NRXN3: variants seen among roughly 807,000 people sequenced by gnomAD.
NRXN3 encodes neurexin III.
A neutral mutation model predicts 137.6 loss-of-function variants in NRXN3; 32 were observed. The ratio of observed to expected loss-of-function variants is 0.23; its 90% CI spans 0.18 to 0.31. NRXN3 has a LOEUF of 0.31. Ranked by LOEUF, NRXN3 falls within the 10% of genes least tolerant of loss-of-function variation. The pLI is 1.00. For synonymous variants in NRXN3, 798 were observed against 784.5 expected, an observed-to-expected ratio of 1.02 and a Z score of -0.29; for missense variants, 1,574 against 2,062.5, an observed-to-expected ratio of 0.76 and a Z score of 4.59.
intron 16 of NRXN3, among the ~76,000 whole-genome samples, chr14:79,626,437 C>G (rs2098282315): frequency 1.5e-5 from 2 of 137,750 alleles, no homozygotes; most frequent in East Asian, 2.0e-4. Context: ...CTGAAATAAC[C>G]CTCATTGTTT....
rs978317953 is a variant in NRXN3, at chr14:78,901,302, C to G, written c.2276-55940C>G. Among the ~76,000 whole-genome samples the G allele has an allele frequency of 1.2e-4, 18 of 151,818 alleles. 2 individuals carry two copies. In the South Asian group the frequency reaches 3.7e-3, roughly 32 times the overall value. ...CCATTTAAATTGTCTTTTATTCTTT[C>G]TTTTTTCTCTATCACATATCTTGGC... is the stretch of plus-strand genomic sequence containing the variant. On this transcript the variant is annotated intron_variant, in intron 10 of 20. Transcript: ENST00000335750.
intron 15 of NRXN3, among the ~76,000 whole-genome samples, chr14:79,080,536 C>G (rs1347411906): frequency 6.6e-6 from 1 of 152,148 alleles, no homozygotes; most frequent in Non-Finnish European, 1.5e-5. Flanking sequence ...ATACCACTTT[C>G]TCACCTCCTT....
chr14:79,641,807 C>T (rs1020149866), intron 16 of NRXN3, among the ~76,000 whole-genome samples: 1 of 135,388 alleles, frequency 7.4e-6, no homozygotes, highest in African/African-American at 2.5e-5. Flanking sequence ...CAGTTGTTCT[C>T]CTGTCATTTT....
chr14:78,746,883 T>C (rs958532209), intron 8 of NRXN3, among the ~76,000 whole-genome samples: 8 of 152,198 alleles, frequency 5.3e-5, no homozygotes, highest in African/African-American at 1.7e-4. Flanking sequence ...GTTAAGACTA[T>C]GATGAAAAGA....
intron 15 of NRXN3, among the ~76,000 whole-genome samples, chr14:79,010,825 A>C (rs1181266402): frequency 1.3e-5 from 2 of 152,178 alleles, no homozygotes; most frequent in African/African-American, 4.8e-5. Context: ...CCCACACACC[A>C]CAAAGCGAGG....
intron 14 of NRXN3, among the ~76,000 whole-genome samples, chr14:78,979,099 A>C (rs888055564): frequency 1.3e-5 from 2 of 152,092 alleles, no homozygotes; most frequent in African/African-American, 4.8e-5. Flanking sequence ...AGATTGGATG[A>C]TGCCTACTCA....
rs1337884057 is a variant in NRXN3 at position 79,168,302 on chromosome 14, G to T, written c.3262+180161G>T. Among the ~76,000 whole-genome samples the T allele has an allele frequency of 4.6e-5, 7 of 152,106 alleles. No individual in the cohort carries two copies. In the East Asian group the frequency reaches 1.4e-3, roughly 29 times the overall value. On this transcript the variant is annotated intron_variant, in intron 15 of 20. Transcript: ENST00000335750. ...GCCATCTACTTGACCCAGCAAAACT[G>T]TTGTGTGATAATATTTACCTTAAAG... is the stretch of plus-strand genomic sequence containing the variant.
At chr14:78,447,403 G>A (rs1334895074) in intron 4 of NRXN3, among the ~76,000 whole-genome samples, 3 of 152,224 alleles carry the variant, frequency 2.0e-5, no homozygotes, top group Non-Finnish European at 2.9e-5. Context: ...AATGCAGCAT[G>A]CAGGAAATCA....
Position 78,912,301 on chromosome 14 carries a change from A to G in NRXN3, c.2276-44941A>G, listed in dbSNP as rs925883191. Among the ~76,000 whole-genome samples the G allele has an allele frequency of 3.3e-5, 5 of 150,814 alleles. No homozygotes were observed. The East Asian group carries it at 6.1e-4, about 18-fold the overall frequency. On this transcript the variant is annotated intron_variant, in intron 10 of 20. Transcript: ENST00000335750. ...AGGAAGCTTTAAAAAAAATACCCAGAACAAATTGGTATTTTTTTTTAAAGC... is the reference window on the plus strand; with the variant it reads ...AGGAAGCTTTAAAAAAAATACCCAGGACAAATTGGTATTTTTTTTTAAAGC...
chr14:78,903,676 CTATT>C (rs1459281987), intron 10 of NRXN3, among the ~76,000 whole-genome samples: 1 of 151,932 alleles, frequency 6.6e-6, no homozygotes, highest in Non-Finnish European at 1.5e-5. Flanking sequence ...AACTAAATTA[CTATT>C]TATTATTGAC....
chr14:79,839,819 C>T (rs151221562), intron 20 of NRXN3, among the ~76,000 whole-genome samples: 1 of 152,116 alleles, frequency 6.6e-6, no homozygotes, highest in Non-Finnish European at 1.5e-5. Context: ...TCATTCAGAC[C>T]AACTGAAGCT....
intron 4 of NRXN3, among the ~76,000 whole-genome samples, chr14:78,445,023 G>C (rs2094379479): frequency 6.6e-6 from 1 of 151,472 alleles, no homozygotes; most frequent in South Asian, 2.1e-4. Context: ...AGTGAGTATA[G>C]TTGGAGTAAA....
At chr14:78,865,947 T>C (rs1318461908) in intron 10 of NRXN3, among the ~76,000 whole-genome samples, 3 of 152,176 alleles carry the variant, frequency 2.0e-5, no homozygotes, top group African/African-American at 7.2e-5. Flanking sequence ...GTTACAGTTG[T>C]TGCTAGTATA....
intron 14 of NRXN3, among the ~76,000 whole-genome samples, chr14:78,969,135 A>C (rs2099429349): frequency 6.6e-6 from 1 of 152,254 alleles, no homozygotes; most frequent in Admixed American, 6.5e-5. Flanking sequence ...CTTATTGTTT[A>C]CAAATATTAT....
chr14:79,341,055 C>G (rs1213478284), intron 15 of NRXN3, among the ~76,000 whole-genome samples: 1 of 152,170 alleles, frequency 6.6e-6, no homozygotes, highest in Non-Finnish European at 1.5e-5. Flanking sequence ...TTCTGGGTCT[C>G]AATGTAGGTC....
intron 15 of NRXN3, among the ~76,000 whole-genome samples, chr14:79,441,602 G>T (rs551097406): frequency 6.6e-6 from 1 of 151,608 alleles, no homozygotes; most frequent in Non-Finnish European, 1.5e-5. Flanking sequence ...GGATGGTCTC[G>T]ATCTCCTGAC....
At chr14:78,591,858 A>T (rs1347574469) in intron 4 of NRXN3, among the ~76,000 whole-genome samples, 1 of 152,200 alleles carries the variant, frequency 6.6e-6, no homozygotes, top group Admixed American at 6.5e-5. Context: ...TGGTTCAGAA[A>T]TAGCTTCCCC....
chr14:78,724,623 A>G (rs1234296897), intron 8 of NRXN3, among the ~76,000 whole-genome samples: 4 of 152,318 alleles, frequency 2.6e-5, no homozygotes, highest in Middle Eastern at 3.4e-3. Context: ...GCATCTGTGC[A>G]TCTGTGCATA....
At chr14:79,639,270 A>C (rs79478539) in intron 16 of NRXN3, among the ~76,000 whole-genome samples, 1 of 152,114 alleles carries the variant, frequency 6.6e-6, no homozygotes, top group Non-Finnish European at 1.5e-5. Context: ...ATATAGGTAA[A>C]CTCATGTCAC....
Sources: allele counts gnomAD v4.1 joint callset (sites outside exome capture counted in the v4.1 genomes callset), GRCh38; gene constraint gnomAD v4.1.1; transcripts MANE v1.5; gene names NCBI Gene and HGNC (gene_info 2026-07-23, HGNC 2026-07-21).